SDK1: variants seen among roughly 807,000 people sequenced by gnomAD.
The protein encoded by SDK1 is sidekick cell adhesion molecule 1.
In SDK1, 157 loss-of-function variants were observed where a neutral mutation model predicts 245.5. The ratio of observed to expected loss-of-function variants is 0.64; its 90% CI spans 0.56 to 0.73. SDK1 has a LOEUF of 0.73. Ranked by LOEUF, SDK1 falls within the 30% of genes least tolerant of loss-of-function variation. The pLI, the probability that SDK1 is intolerant of heterozygous loss-of-function variation, is 0.00. For synonymous variants in SDK1, 1,647 were observed against 1,278.5 expected, an observed-to-expected ratio of 1.29 and a Z score of -6.15; for missense variants, 3,583 against 3,002.3, an observed-to-expected ratio of 1.19 and a Z score of -4.52.
chr7:4,130,397 C>T, intron 27 of SDK1: 1 of 397,022 alleles, frequency 2.5e-6, no homozygotes, highest in Non-Finnish European at 4.5e-6. Flanking sequence ...TGGATGTCAG[C>T]TGTGGACGCT....
chr7:3,830,758 A>G (rs1421026200), intron 5 of SDK1, among the ~76,000 whole-genome samples: 1 of 152,144 alleles, frequency 6.6e-6, no homozygotes, highest in Non-Finnish European at 1.5e-5. Flanking sequence ...CGGCCTCCCA[A>G]AGTGCTGGGA....
chr7:3,596,162 A>AT (rs1415446786), intron 1 of SDK1, among the ~76,000 whole-genome samples: 1 of 152,142 alleles, frequency 6.6e-6, no homozygotes, highest in Admixed American at 6.5e-5. Flanking sequence ...AAAGTTCCGC[A>AT]TTTTGGAGCG....
chr7:3,975,755 T>C (rs1434935801), intron 13 of SDK1, among the ~76,000 whole-genome samples: 1 of 152,248 alleles, frequency 6.6e-6, no homozygotes, highest in Non-Finnish European at 1.5e-5. Context: ...CCAACTCCTG[T>C]TCTGTCTCCT....
At chr7:3,323,211 A>G (rs1779861174) in intron 1 of SDK1, among the ~76,000 whole-genome samples, 2 of 152,150 alleles carry the variant, frequency 1.3e-5, no homozygotes, top group Admixed American at 6.5e-5. Context: ...GCTGAGTTTC[A>G]GTCTTCACCA....
chr7:3,522,513 G>A (rs933205910), intron 1 of SDK1, among the ~76,000 whole-genome samples: 1 of 151,710 alleles, frequency 6.6e-6, no homozygotes, highest in Non-Finnish European at 1.5e-5. Flanking sequence ...TGGATGCAGG[G>A]TGTTTGTCTT....
Position 4,239,873 on chromosome 7 carries a change from A to G in SDK1, c.6131-1920A>G, listed in dbSNP as rs574657142. 4.5e-4 allele frequency among the ~76,000 whole-genome samples: 69 copies of G among 152,278 alleles called. 1 individual carries two copies. In the South Asian group the frequency reaches 0.014, roughly 31 times the overall value. On this transcript the variant is annotated intron_variant, in intron 42 of 44. Transcript: ENST00000404826. ...CTGTTCTTAAAAAGAGGAGCTGGCT[A>G]CATTAGCCCCCTGAGCCAAGGAGCC...
intron 1 of SDK1, among the ~76,000 whole-genome samples, chr7:3,481,870 C>T (rs569888565): frequency 2.0e-5 from 3 of 152,274 alleles, no homozygotes; most frequent in Admixed American, 6.5e-5. Context: ...GTTGATTGCA[C>T]AGTCTGTTTT....
chr7:3,858,381 A>G (rs1323304135), intron 5 of SDK1, among the ~76,000 whole-genome samples: 3 of 152,160 alleles, frequency 2.0e-5, no homozygotes, highest in Admixed American at 2.0e-4. Context: ...GTGAGACCCC[A>G]TCTCAAAAAA....
At chr7:3,672,345 T>A (rs1248562231) in intron 4 of SDK1, among the ~76,000 whole-genome samples, 1 of 151,870 alleles carries the variant, frequency 6.6e-6, no homozygotes, top group Non-Finnish European at 1.5e-5. Flanking sequence ...CACCCCCAAG[T>A]TCTTGAAGTG....
intron 1 of SDK1, among the ~76,000 whole-genome samples, chr7:3,443,348 C>T (rs1252599894): frequency 6.6e-6 from 1 of 152,252 alleles, no homozygotes; most frequent in African/African-American, 2.4e-5. Flanking sequence ...ATAATGGTAG[C>T]TTGCAAACCG....
intron 1 of SDK1, among the ~76,000 whole-genome samples, chr7:3,566,893 A>G (rs1036130724): frequency 1.3e-5 from 2 of 152,176 alleles, no homozygotes; most frequent in African/African-American, 2.4e-5. Flanking sequence ...TTATTACACT[A>G]GCAAGAGTTG....
At chr7:3,946,753 A>G (rs2128123632) in intron 5 of SDK1, among the ~76,000 whole-genome samples, 1 of 152,332 alleles carries the variant, frequency 6.6e-6, no homozygotes, top group Non-Finnish European at 1.5e-5. Flanking sequence ...GTGTTACCCA[A>G]GAATGCAGCG....
chr7:4,091,446 G>A (rs889614680), intron 22 of SDK1, among the ~76,000 whole-genome samples: 1 of 145,636 alleles, frequency 6.9e-6, no homozygotes, highest in South Asian at 2.2e-4. Context: ...AGGTTCAAAT[G>A]ATTCTCATGC....
At chr7:3,654,991 A>G (rs940056373) in intron 4 of SDK1, among the ~76,000 whole-genome samples, 1 of 151,956 alleles carries the variant, frequency 6.6e-6, no homozygotes, top group African/African-American at 2.4e-5. Context: ...TACAGTTTTA[A>G]TGAACAATAA....
rs368512541 is a variant in SDK1 at position 3,703,255 on chromosome 7, A to T, written c.713+61150A>T. ...TGAATAATTTTACAAATTATGGTGC[A>T]TTCATGTCATAGAACACTACTCTGC... On this transcript the variant is annotated intron_variant, in intron 4 of 44. Transcript: ENST00000404826. Among the ~76,000 whole-genome samples the T allele has an allele frequency of 2.6e-5, 4 of 152,302 alleles. No homozygotes were observed. In the South Asian group the frequency reaches 6.2e-4, roughly 24 times the overall value.
At chr7:3,787,146 TCACA>T (rs34838736) in intron 4 of SDK1, among the ~76,000 whole-genome samples, 2,571 of 137,682 alleles carry the variant, frequency 0.019, 48 homozygotes, top group African/African-American at 0.051. Flanking sequence ...AGTATTGAAA[TCACA>T]CACACACACA....
chr7:3,811,573 G>T (rs1340701966), intron 4 of SDK1, among the ~76,000 whole-genome samples: 1 of 152,202 alleles, frequency 6.6e-6, no homozygotes. Flanking sequence ...CACCCAGGCA[G>T]ATGTCCCTCT....
intron 5 of SDK1, among the ~76,000 whole-genome samples, chr7:3,938,320 G>A (rs1041030316): frequency 3.9e-5 from 6 of 151,900 alleles, no homozygotes; most frequent in African/African-American, 1.5e-4. Context: ...TATTCAGTGG[G>A]AGATTATGCA....
At chr7:3,803,036 A>G (rs1779145159) in intron 4 of SDK1, among the ~76,000 whole-genome samples, 1 of 152,196 alleles carries the variant, frequency 6.6e-6, no homozygotes, top group African/African-American at 2.4e-5. Flanking sequence ...GGCTTTTTAG[A>G]AACTACCAAA....
Sources: allele counts gnomAD v4.1 joint callset (sites outside exome capture counted in the v4.1 genomes callset), GRCh38; gene constraint gnomAD v4.1.1; transcripts MANE v1.5; gene names NCBI Gene and HGNC (gene_info 2026-07-23, HGNC 2026-07-21).